The following PLCE1 variants were observed in gnomAD, a reference collection of about 807,000 sequenced individuals.
PLCE1 encodes 1-phosphatidylinositol 4,5-bisphosphate phosphodiesterase epsilon-1.
In PLCE1, 119 loss-of-function variants were observed where a neutral mutation model predicts 242.8. The ratio of observed to expected loss-of-function variants is 0.49; its 90% CI spans 0.42 to 0.57. PLCE1 has a LOEUF of 0.57. Among genes scored for constraint, PLCE1 ranks in the 20% least tolerant of loss-of-function variants. PLCE1 has a pLI of 0.00. For synonymous variants in PLCE1, 945 were observed against 1,017.4 expected, an observed-to-expected ratio of 0.93 and a Z score of 1.35; for missense variants, 2,441 against 2,788.8, an observed-to-expected ratio of 0.88 and a Z score of 2.81.
chr10:94,100,703 A>G (rs1039708770), intron 2 of PLCE1: 2 of 152,166 alleles, frequency 1.3e-5, no homozygotes, highest in Non-Finnish European at 2.9e-5. Flanking sequence ...CCTGCAGATA[A>G]GAGAGATTTT....
intron 20 of PLCE1, 181 bp downstream of exon 20, chr10:94,280,092 C>T (rs556451206): frequency 2.7e-4 from 175 of 645,860 alleles, no homozygotes; most frequent in Non-Finnish European, 3.3e-4. Context: ...TTCTGTTAGC[C>T]AACACTTACA....
chr10:94,176,043 C>A (rs2136372748), intron 4 of PLCE1, among the ~76,000 whole-genome samples: 1 of 152,190 alleles, frequency 6.6e-6, no homozygotes, highest in African/African-American at 2.4e-5. Flanking sequence ...GATATCTCTT[C>A]AATAGATTGG....
intron 16 of PLCE1, among the ~76,000 whole-genome samples, chr10:94,266,738 G>C (rs2051531985): frequency 6.6e-6 from 1 of 152,166 alleles, no homozygotes; most frequent in South Asian, 2.1e-4. Context: ...CAGGTGTATT[G>C]TTTACATAAC....
chr10:94,304,428 C>T, intron 24 of PLCE1, 54 bp from the exon 25 acceptor site: 1 of 1,511,814 alleles, frequency 6.6e-7, no homozygotes, highest in Admixed American at 1.7e-5. Context: ...TAAGGTGATA[C>T]TTAAGCGACA....
chr10:94,101,165 C>T (rs369112340), intron 2 of PLCE1, among the ~76,000 whole-genome samples: 16 of 152,166 alleles, frequency 1.1e-4, no homozygotes, highest in African/African-American at 3.4e-4. Flanking sequence ...GACAGCAAGG[C>T]GCTAGAAGGG....
chr10:94,135,599 A>C (rs2135946096), intron 3 of PLCE1, among the ~76,000 whole-genome samples: 1 of 152,336 alleles, frequency 6.6e-6, no homozygotes, highest in East Asian at 1.9e-4. Context: ...GCAGTATTAA[A>C]TGTTGTGATT....
At position 93,994,064 on chromosome 10, in the gene PLCE1, T is replaced by C. The variant is rs1337714951; in HGVS notation, c.-559T>C. 1.2e-5 allele frequency among the ~76,000 whole-genome samples: 1 copy of C among 84,712 alleles called. No individual in the cohort carries two copies. Among genetic ancestry groups the C allele is most frequent in the Non-Finnish European group, 2.9e-5 (1 of 34,668 alleles). 55.6% of individuals were successfully genotyped at this position (84,712 alleles called of 152,430 possible). Reference sequence around the variant, plus strand: ...GGGCAGCGGCGGCGCGCCCGGGCTCTACCTCCCGGGCTCTGCCTCCCGGGC... The same window carrying C: ...GGGCAGCGGCGGCGCGCCCGGGCTCCACCTCCCGGGCTCTGCCTCCCGGGC... On this transcript the variant is annotated 5_prime_UTR_variant, in exon 1 of 33. Transcript: ENST00000371380.
intron 4 of PLCE1, among the ~76,000 whole-genome samples, chr10:94,189,011 A>AAAAAAAAAAAAAT (rs2048575378): frequency 6.7e-6 from 1 of 148,568 alleles, no homozygotes; most frequent in African/African-American, 2.6e-5. Flanking sequence ...AAAAAAAAAA[A>AAAAAAAAAAAAAT]AAAAAAAAAA....
intron 2 of PLCE1, among the ~76,000 whole-genome samples, chr10:94,059,232 T>C (rs192620453): frequency 6.6e-6 from 1 of 152,282 alleles, no homozygotes; most frequent in Admixed American, 6.5e-5. Context: ...TTATGAACGG[T>C]ATGGTTTAGA....
At chr10:94,295,287 A>G (rs2052775180) in intron 23 of PLCE1, among the ~76,000 whole-genome samples, 1 of 152,136 alleles carries the variant, frequency 6.6e-6, no homozygotes, top group African/African-American at 2.4e-5. Flanking sequence ...AATGTATGAA[A>G]TATTCTAAAT....
chr10:94,224,012 C>T (rs1388645063), intron 4 of PLCE1, among the ~76,000 whole-genome samples: 1 of 152,098 alleles, frequency 6.6e-6, no homozygotes, highest in Non-Finnish European at 1.5e-5. Flanking sequence ...CGGTGGCCCT[C>T]TCACCATTTA....
chr10:94,140,994 C>T (rs2046937566), intron 3 of PLCE1, among the ~76,000 whole-genome samples: 1 of 152,218 alleles, frequency 6.6e-6, no homozygotes. Context: ...TGGAAGTCTT[C>T]AACTTGTAAG....
At chr10:94,094,411 T>C (rs936225434) in intron 2 of PLCE1, among the ~76,000 whole-genome samples, 5 of 152,122 alleles carry the variant, frequency 3.3e-5, no homozygotes, top group African/African-American at 1.2e-4. Context: ...CAAAATTGCC[T>C]CTGTTTGAGA....
Position 94,148,997 on chromosome 10 carries a change from C to T in PLCE1, c.1492+16538C>T, listed in dbSNP as rs192180926. Among the ~76,000 whole-genome samples the T allele has an allele frequency of 2.8e-4, 42 of 152,318 alleles. No individual in the cohort carries two copies. In the East Asian group the frequency reaches 5.2e-3, roughly 19 times the overall value. ...TCACACAGCACCCCGGATCTTTAAT[C>T]CCCTTGGCCCTGTTCATTCCACTCT... On this transcript the variant is annotated intron_variant, in intron 3 of 32. Coordinates refer to ENST00000371380, the MANE Select transcript of PLCE1 (RefSeq NM_016341.4).
chr10:94,223,985 T>C (rs2049851783), intron 4 of PLCE1, among the ~76,000 whole-genome samples: 1 of 152,226 alleles, frequency 6.6e-6, no homozygotes, highest in South Asian at 2.1e-4. Context: ...TTGTGTCATT[T>C]ATTATTTTAT....
Position 94,259,042 on chromosome 10 carries a change from C to T in PLCE1, c.3706C>T (p.Leu1236=). ...SVRSRKDLKD[L]FDVYAVPCNR... ...CAGGAGCCGCAAGGACCTGAAGGAT[C>T]TGTTTGATGTCTATGCAGTGCCCTG... The change falls in exon 13 of 33, where the codon CTG becomes TTG. Residue 1236 remains leucine (L), a synonymous_variant. Coordinates refer to ENST00000371380, the MANE Select transcript of PLCE1 (RefSeq NM_016341.4). The T allele has an allele frequency of 6.2e-7, 1 of 1,614,154 alleles. No homozygotes were observed. The highest frequency in any genetic ancestry group is 8.5e-7 in the Non-Finnish European group (1 of 1,180,006).
chr10:94,083,912 T>TAGTTAAG (rs2044726586), intron 2 of PLCE1, among the ~76,000 whole-genome samples: 2 of 152,178 alleles, frequency 1.3e-5, no homozygotes, highest in African/African-American at 4.8e-5. Flanking sequence ...TGAGAGTTTG[T>TAGTTAAG]AGTTAAGATC....
At chr10:94,268,879 C>A in intron 16 of PLCE1, 50 bp from the exon 17 acceptor site, 2 of 1,042,250 alleles carry the variant, frequency 1.9e-6, no homozygotes, top group Non-Finnish European at 3.0e-6. Flanking sequence ...TAGTTCGAGG[C>A]TTTATCTCCA....
chr10:94,318,019 T>C (rs2053637057), intron 29 of PLCE1, among the ~76,000 whole-genome samples: 1 of 152,178 alleles, frequency 6.6e-6, no homozygotes, highest in South Asian at 2.1e-4. Flanking sequence ...ATTTTAACCA[T>C]TGTGTGTTTT....
Sources: gnomAD v4.1 joint callset for allele counts (sites outside exome capture counted in the v4.1 genomes callset) on GRCh38, gnomAD v4.1.1 for gene constraint, MANE v1.5 for transcripts, NCBI Gene and HGNC (gene_info 2026-07-23, HGNC 2026-07-21) for gene names.